The following PDZD2 variants were observed in gnomAD, a reference collection of about 807,000 sequenced individuals.
The protein encoded by PDZD2 is PDZ domain containing 2, also known as PDZ domain-containing protein 2.
In PDZD2, 90 loss-of-function variants were observed where a neutral mutation model predicts 220.7. The ratio of observed to expected loss-of-function variants is 0.41; its 90% CI spans 0.34 to 0.49. The LOEUF (loss-of-function observed/expected upper bound fraction) is 0.49, where lower values mean the gene tolerates loss of function less well. Among genes scored for constraint, PDZD2 ranks in the 20% least tolerant of loss-of-function variants. PDZD2 has a pLI of 0.28. For synonymous variants in PDZD2, 1,375 were observed against 1,450.5 expected, an observed-to-expected ratio of 0.95 and a Z score of 1.18; for missense variants, 3,174 against 3,608.5, an observed-to-expected ratio of 0.88 and a Z score of 3.08.
In PDZD2 at chr5:32,087,698, G is replaced by C. The variant is rs201376601; in HGVS notation, c.4250G>C (p.Gly1417Ala). The change falls in exon 20 of 25, where the codon GGG becomes GCG. Residue 1417 changes from glycine to alanine, a missense_variant. Gly to Ala is a moderately conservative substitution (Grantham distance 60). Transcript: ENST00000438447. This position sits in a 1 kb window ranked among gnomAD's most constrained non-coding sequence, Gnocchi z 4.0. ...CATGTCTCGGGGCACTGCTGCCCAG[G>C]GGGGAGTAGAGAGAGCCCTGTGACG... ...CGHVSGHCCP[G>A]GSRESPVTDI... The C allele has an allele frequency of 1.2e-4, 195 of 1,614,062 alleles. No individual in the cohort carries two copies. Among genetic ancestry groups the C allele is most frequent in the Middle Eastern group, 4.9e-4 (3 of 6,062 alleles).
intron 2 of PDZD2, among the ~76,000 whole-genome samples, chr5:31,842,604 G>A (rs1422427624): frequency 1.3e-5 from 2 of 152,196 alleles, no homozygotes; most frequent in Admixed American, 6.5e-5. Flanking sequence ...TGGGTTCCTG[G>A]AAGTTCCCAT....
At chr5:31,649,476 A>G (rs1745259692) in intron 1 of PDZD2, among the ~76,000 whole-genome samples, 1 of 151,740 alleles carries the variant, frequency 6.6e-6, no homozygotes, top group East Asian at 1.9e-4. Context: ...ACTCTATCAC[A>G]TGACTCCTGT....
At position 32,090,265 on chromosome 5, in the gene PDZD2, A is replaced by G. The variant is rs1313950697; in HGVS notation, c.6817A>G (p.Asn2273Asp). The G allele has an allele frequency of 1.9e-6, 3 of 1,614,078 alleles. No homozygotes were observed. In the African/African-American group the frequency reaches 4.0e-5, roughly 22 times the overall value. ...CAGAGGTGGTCTTCCCAGCCTGGCT[A>G]ATGGACAGGGCATATATAGTGTAAA... is the stretch of plus-strand genomic sequence containing the variant. ...ASRGGLPSLA[N>D]GQGIYSVKPL... The change falls in exon 20 of 25, where the codon AAT (asparagine) becomes GAT (aspartate). Residue 2273 changes from asparagine (N) to aspartate (D), a missense_variant. Asn to Asp is a conservative substitution (Grantham distance 23, BLOSUM62 1). Coordinates refer to ENST00000438447, the MANE Select transcript of PDZD2 (RefSeq NM_178140.4). The surrounding 1 kb of genome is among the most constrained non-coding windows in gnomAD (Gnocchi z 4.3).
In PDZD2 at chr5:32,074,568, T is replaced by A; in HGVS notation, c.3462T>A (p.Asp1154Glu). The change falls in exon 18 of 25, where the codon GAT becomes GAA. Residue 1154 changes from aspartate (D) to glutamate (E), a missense_variant. Around this residue, in one of 4 missense-constraint regions of PDZD2, gnomAD observed 1,861 missense variants for 2,001.0 expected, o/e 0.93. Coordinates refer to ENST00000438447, the MANE Select transcript of PDZD2 (RefSeq NM_178140.4). ...NLTGRANDPC[D>E]LDSRVQATSV... ...CTGGCAGAGCCAATGATCCATGCGATCTGGACTCGAGAGTCCAGGCCACTT... is the reference window on the plus strand; with the variant it reads ...CTGGCAGAGCCAATGATCCATGCGAACTGGACTCGAGAGTCCAGGCCACTT... 1 of 1,613,908 alleles carries A rather than the reference T, an allele frequency of 6.2e-7. No individual in the cohort carries two copies. Among genetic ancestry groups the A allele is most frequent in the Non-Finnish European group, 8.5e-7 (1 of 1,179,932 alleles).
chr5:31,863,807 A>G (rs1484288233), intron 2 of PDZD2, among the ~76,000 whole-genome samples: 1 of 152,240 alleles, frequency 6.6e-6, no homozygotes, highest in Non-Finnish European at 1.5e-5. Flanking sequence ...CATCTGAGAT[A>G]TGCTAGAAGA....
chr5:31,663,749 C>G (rs1051560007), intron 1 of PDZD2, among the ~76,000 whole-genome samples: 1 of 152,146 alleles, frequency 6.6e-6, no homozygotes, highest in African/African-American at 2.4e-5. Context: ...GGAACAGAAC[C>G]TTGAAAGGGT....
intron 1 of PDZD2, among the ~76,000 whole-genome samples, chr5:31,783,398 C>A (rs1404504402): frequency 6.6e-6 from 1 of 152,140 alleles, no homozygotes; most frequent in African/African-American, 2.4e-5. Flanking sequence ...AGGCAGGGGG[C>A]TAGAGCATCC....
intron 1 of PDZD2, among the ~76,000 whole-genome samples, chr5:31,791,308 T>C (rs1753710959): frequency 1.3e-5 from 2 of 151,802 alleles, no homozygotes; most frequent in Admixed American, 1.3e-4. Flanking sequence ...AAGCACCTAT[T>C]GGCCAGGCGC....
chr5:32,002,980 CACACACACCCCACACACCA>C (rs1752379784), intron 5 of PDZD2, among the ~76,000 whole-genome samples: 1 of 134,556 alleles, frequency 7.4e-6, no homozygotes, highest in African/African-American at 2.7e-5. Flanking sequence ...ACACACACAC[CACACACACCCCACACACCA>C]ACACACACAC....
intron 2 of PDZD2, among the ~76,000 whole-genome samples, chr5:31,804,019 G>A (rs934120689): frequency 6.6e-6 from 1 of 150,668 alleles, no homozygotes; most frequent in Non-Finnish European, 1.5e-5. Flanking sequence ...CTCTAGCCTG[G>A]GCAACACAGC....
chr5:31,822,543 G>A (rs1036394119), intron 2 of PDZD2: 51 of 738,824 alleles, frequency 6.9e-5, no homozygotes, highest in Non-Finnish European at 1.1e-4. Flanking sequence ...TCTGTAGCTG[G>A]ACAACTCTTA....
intron 1 of PDZD2, among the ~76,000 whole-genome samples, chr5:31,755,439 G>A (rs893000162): frequency 3.3e-5 from 5 of 152,160 alleles, no homozygotes; most frequent in East Asian, 1.9e-4. Context: ...GGTAGTTGGC[G>A]TAGGATATCC....
chr5:32,007,836 T>C (rs370295304), intron 5 of PDZD2, among the ~76,000 whole-genome samples: 3 of 152,342 alleles, frequency 2.0e-5, no homozygotes, highest in East Asian at 3.9e-4. Flanking sequence ...CTGGCCCTCA[T>C]GTGCTGCGGC....
rs1433327519 is a variant in PDZD2, at chr5:31,933,596, G to T, written c.477-49559G>T. On this transcript the variant is annotated intron_variant, in intron 2 of 24. Transcript: ENST00000438447. ...TGTGACCCGCTGGACAGCCATTACTGAGCCCCTGCCTACAAAGATCCACAC... is the reference window on the plus strand; with the variant it reads ...TGTGACCCGCTGGACAGCCATTACTTAGCCCCTGCCTACAAAGATCCACAC... Among the ~76,000 whole-genome samples, 3 of 152,100 alleles carry T rather than the reference G, an allele frequency of 2.0e-5. No individual in the cohort carries two copies. The East Asian group carries it at 5.8e-4, about 29-fold the overall frequency.
At chr5:31,877,649 T>C (rs1180188413) in intron 2 of PDZD2, among the ~76,000 whole-genome samples, 2 of 151,854 alleles carry the variant, frequency 1.3e-5, no homozygotes, top group Non-Finnish European at 2.9e-5. Context: ...TTCACAGAAA[T>C]TTGCTTGAGA....
At chr5:32,051,922 A>G (rs186389459) in intron 8 of PDZD2, among the ~76,000 whole-genome samples, 189 of 152,284 alleles carry the variant, frequency 1.2e-3, no homozygotes, top group African/African-American at 4.5e-3. Context: ...TCTAACCATG[A>G]TGGTGAACTT....
intron 2 of PDZD2, among the ~76,000 whole-genome samples, chr5:31,976,714 C>CTTTTTT (rs869280921): frequency 2.1e-3 from 213 of 99,648 alleles, no homozygotes; most frequent in Middle Eastern, 0.012. Context: ...TTTCTTCTTT[C>CTTTTTT]TTTTTTTTTT....
Position 31,788,145 on chromosome 5 carries a change from TG to T in PDZD2, c.-360-10742del, listed in dbSNP as rs1753486171. On this transcript the variant is annotated intron_variant, in intron 1 of 24. Transcript: ENST00000438447. ...CAGCACTTTGGGAGGCCAAGGCGGG[TG>T]GATCACCTGAGGTCAGGAGTTCCAG... 2.2e-5 allele frequency among the ~76,000 whole-genome samples: 3 copies of T among 137,500 alleles called. No individual in the cohort carries two copies. The South Asian group carries it at 7.2e-4, about 33-fold the overall frequency. 90.2% of individuals were successfully genotyped at this position (137,500 alleles called of 152,430 possible).
At chr5:31,936,466 T>A in intron 2 of PDZD2, 1 of 427,312 alleles carries the variant, frequency 2.3e-6, no homozygotes, top group East Asian at 1.6e-4. Flanking sequence ...AATAATAACA[T>A]AAAAGACTCA....
Sources: gnomAD v4.1 joint callset for allele counts (sites outside exome capture counted in the v4.1 genomes callset) on GRCh38, gnomAD v4.1.1 for gene constraint, gnomAD v4.1.1 regional missense constraint, Gnocchi (gnomAD v3.1) non-coding constraint, MANE v1.5 for transcripts, NCBI Gene and HGNC (gene_info 2026-07-23, HGNC 2026-07-21) for gene names.